The following CC2D2A variants were observed in gnomAD, a reference collection of about 807,000 sequenced individuals.
CC2D2A encodes coiled-coil and C2 domain containing 2A.
Under a neutral mutation model 212.9 loss-of-function variants are expected in CC2D2A, and 155 were observed. The observed-to-expected ratio is 0.73, with a 90% CI of 0.64 to 0.83. The LOEUF (loss-of-function observed/expected upper bound fraction) is 0.83. Among genes scored for constraint, CC2D2A ranks in the 40% least tolerant of loss-of-function variants. The pLI, the probability that CC2D2A is intolerant of heterozygous loss-of-function variation, is 0.00. For missense variants in CC2D2A, 1,856 were observed against 1,956.2 expected (o/e 0.95, Z 0.97); for synonymous variants, 667 against 686.5 (o/e 0.97, Z 0.44).
At chr4:15,551,048 T>C in intron 18 of CC2D2A, 68 bp downstream of exon 18, 1 of 1,220,116 alleles carries the variant, frequency 8.2e-7, no homozygotes, top group Non-Finnish European at 1.1e-6. Flanking sequence ...ATATATCTAT[T>C]TCACTTCCCA....
At chr4:15,499,222 T>C (rs1715784462) in intron 4 of CC2D2A, among the ~76,000 whole-genome samples, 1 of 152,198 alleles carries the variant, frequency 6.6e-6, no homozygotes, top group Non-Finnish European at 1.5e-5. Context: ...ATCTGTAGAA[T>C]ATACAGCACC....
At chr4:15,522,353 G>T (rs1036125734) in intron 11 of CC2D2A, among the ~76,000 whole-genome samples, 2 of 152,104 alleles carry the variant, frequency 1.3e-5, no homozygotes, top group Admixed American at 6.5e-5. Context: ...CGGCAGGATC[G>T]ACCAACACTG....
intron 11 of CC2D2A, among the ~76,000 whole-genome samples, chr4:15,522,106 C>T (rs573206651): frequency 1.3e-5 from 2 of 152,276 alleles, no homozygotes; most frequent in East Asian, 3.9e-4. Flanking sequence ...GAGGCTGAAG[C>T]AGGAGGATCA....
At position 15,533,271 on chromosome 4, in the gene CC2D2A, G is replaced by A; in HGVS notation, c.1545G>A (p.Glu515=). The A allele has an allele frequency of 2.5e-6, 4 of 1,601,446 alleles. No homozygotes were observed. The highest frequency in any genetic ancestry group is 1.7e-5 in the Admixed American group (1 of 57,296). Residue 515 remains glutamate, a synonymous_variant, in exon 14 of 37, where the codon GAG becomes GAA. Transcript: ENST00000424120. ...AGACTATCATAAAAGTTTGGAAAGA[G>A]ATGAAATCCCTTCGAGAGTTCCAGA... is the stretch of plus-strand genomic sequence containing the variant. ...LLKTIIKVWK[E]MKSLREFQRF...
At chr4:15,477,331 T>C (rs1022996790) in intron 2 of CC2D2A, among the ~76,000 whole-genome samples, 1 of 150,746 alleles carries the variant, frequency 6.6e-6, no homozygotes, top group African/African-American at 2.4e-5. Flanking sequence ...TTAAGCAAGA[T>C]CAAGTACCAA....
chr4:15,595,469 T>C (rs1298208849), intron 33 of CC2D2A, among the ~76,000 whole-genome samples: 2 of 152,234 alleles, frequency 1.3e-5, no homozygotes, highest in African/African-American at 4.8e-5. Flanking sequence ...GGCATTTTTC[T>C]AAGAGGTACA....
At chr4:15,595,454 T>TA (rs1202077041) in intron 33 of CC2D2A, among the ~76,000 whole-genome samples, 1 of 152,202 alleles carries the variant, frequency 6.6e-6, no homozygotes, top group Non-Finnish European at 1.5e-5. Flanking sequence ...ACTTACTACA[T>TA]ACCAGGCATT....
At chr4:15,544,899 C>T (rs943700995) in intron 17 of CC2D2A, among the ~76,000 whole-genome samples, 5 of 152,072 alleles carry the variant, frequency 3.3e-5, no homozygotes, top group African/African-American at 1.2e-4. Context: ...AGAATATTAT[C>T]CAGAATATAT....
intron 17 of CC2D2A, among the ~76,000 whole-genome samples, chr4:15,549,217 T>C (rs1718868526): frequency 6.6e-6 from 1 of 152,170 alleles, no homozygotes; most frequent in Non-Finnish European, 1.5e-5. Context: ...ATTATATGTG[T>C]TTGAAATTTT....
At position 15,578,803 on chromosome 4, in the gene CC2D2A, TG is replaced by T. The variant is rs1315306830; in HGVS notation, c.3772-1164del. On this transcript the variant is annotated intron_variant, in intron 29 of 36. Coordinates refer to ENST00000424120, the MANE Select transcript of CC2D2A (RefSeq NM_001378615.1). Reference sequence around the variant, plus strand: ...ACTACACCTGGTTTGTTTGTTTGTTTGTTTGTTTGTTTGTTTTTAATAGAGA... The same window carrying T: ...ACTACACCTGGTTTGTTTGTTTGTTTTTTGTTTGTTTGTTTTTAATAGAGA... Among the ~76,000 whole-genome samples, 146 of 114,074 alleles carry T rather than the reference TG, an allele frequency of 1.3e-3. 1 individual carries two copies. The highest frequency in any genetic ancestry group is 3.6e-3 in the African/African-American group (116 of 31,820). 74.8% of individuals were successfully genotyped at this position (114,074 alleles called of 152,430 possible).
chr4:15,567,184 G>A (rs1278963545), intron 24 of CC2D2A, among the ~76,000 whole-genome samples, 193 bp from the exon 25 acceptor site: 1 of 152,114 alleles, frequency 6.6e-6, no homozygotes, highest in Non-Finnish European at 1.5e-5. Flanking sequence ...TTGGGAGGCT[G>A]AGGTGGGAGG....
At chr4:15,527,398 T>C (rs1560166279) in intron 11 of CC2D2A, 49 bp from the exon 12 acceptor site, 4 of 1,354,122 alleles carry the variant, frequency 3.0e-6, no homozygotes, top group Non-Finnish European at 4.1e-6. Context: ...AATCATTATC[T>C]AGTAAGTGCT....
chr4:15,484,726 A>G (rs568589763), intron 4 of CC2D2A, among the ~76,000 whole-genome samples: 7 of 152,186 alleles, frequency 4.6e-5, no homozygotes, highest in African/African-American at 9.7e-5. Context: ...ACTTTCCCCA[A>G]TAGAGTTTCA....
At chr4:15,524,955 A>G (rs1717429495) in intron 11 of CC2D2A, among the ~76,000 whole-genome samples, 1 of 152,246 alleles carries the variant, frequency 6.6e-6, no homozygotes, top group Non-Finnish European at 1.5e-5. Flanking sequence ...TCAATAAATA[A>G]GAAAGGAAAA....
At chr4:15,481,563 C>G (rs1714666753) in intron 4 of CC2D2A, 1 of 182,922 alleles carries the variant, frequency 5.5e-6, no homozygotes, top group Non-Finnish European at 1.2e-5. Context: ...CTCTCTTGCT[C>G]CCTCTCTCAC....
In CC2D2A at chr4:15,547,036, A is replaced by G. The variant is rs143101580; in HGVS notation, c.2182-3788A>G. On this transcript the variant is annotated intron_variant, in intron 17 of 36. Coordinates refer to ENST00000424120, the MANE Select transcript of CC2D2A (RefSeq NM_001378615.1). ...TTAAAAAAAAAATCTTCCTTGCTTTATTTCTCTGACAAAATGACAGGTATA... is the reference window on the plus strand; with the variant it reads ...TTAAAAAAAAAATCTTCCTTGCTTTGTTTCTCTGACAAAATGACAGGTATA... Among the ~76,000 whole-genome samples the G allele has an allele frequency of 4.7e-3, 711 of 152,230 alleles. 4 individuals are homozygous for G. Among genetic ancestry groups the G allele is most frequent in the African/African-American group, 0.016 (663 of 41,528 alleles).
At chr4:15,529,457 C>G (rs546852444) in intron 13 of CC2D2A, among the ~76,000 whole-genome samples, 2 of 151,844 alleles carry the variant, frequency 1.3e-5, no homozygotes, top group Non-Finnish European at 2.9e-5. Flanking sequence ...TATACGCTTA[C>G]AGTGAATTTC....
intron 33 of CC2D2A, among the ~76,000 whole-genome samples, chr4:15,595,125 T>C (rs906707355): frequency 6.6e-6 from 1 of 152,214 alleles, no homozygotes; most frequent in Admixed American, 6.5e-5. Flanking sequence ...ATTTGTTTGC[T>C]ATCTTTTCTT....
intron 11 of CC2D2A, among the ~76,000 whole-genome samples, chr4:15,522,326 C>G (rs1285405796): frequency 6.6e-6 from 1 of 152,192 alleles, no homozygotes; most frequent in Non-Finnish European, 1.5e-5. Flanking sequence ...GCGCTTGGAT[C>G]TGATGCTAAC....
Sources: gnomAD v4.1 joint callset for allele counts (sites outside exome capture counted in the v4.1 genomes callset) on GRCh38, gnomAD v4.1.1 for gene constraint, MANE v1.5 for transcripts, NCBI Gene and HGNC (gene_info 2026-07-23, HGNC 2026-07-21) for gene names.